The following NIM1K variants were observed in gnomAD, a reference collection of about 807,000 sequenced individuals.
NIM1K encodes the protein NIM1 serine/threonine protein kinase.
Under a neutral mutation model 37.1 loss-of-function variants are expected in NIM1K, and 35 were observed. That is an observed-to-expected ratio of 0.94 (90% CI 0.72 to 1.25). NIM1K has a LOEUF of 1.25. NIM1K is among the 50% of genes most tolerant of loss of function. The probability of loss-of-function intolerance (pLI) is 0.00; values close to 1 mark genes in which losing one functional copy is unlikely to be tolerated. For synonymous variants in NIM1K, 234 were observed against 206.6 expected (o/e 1.13, Z -1.14); for missense variants, 564 against 548.0 (o/e 1.03, Z -0.29).
intron 2 of NIM1K, among the ~76,000 whole-genome samples, chr5:43,257,503 G>C (rs930440276): frequency 6.6e-6 from 1 of 151,636 alleles, no homozygotes; most frequent in South Asian, 2.1e-4. Context: ...GAGTAGCTAG[G>C]ACTACAGGTG....
Position 43,198,217 on chromosome 5 carries a change from CTT to C in NIM1K, c.-695+5808_-695+5809del, listed in dbSNP as rs145719856. ...TTTCTTTCTTTCTTTCTCTTTCTTT[CTT>C]TCTTTCTTTCTTTCTTTCTTTCTTT... On this transcript the variant is annotated intron_variant, in intron 1 of 3. Transcript: ENST00000326035. 5.1e-3 allele frequency among the ~76,000 whole-genome samples: 442 copies of C among 86,344 alleles called. 12 individuals are homozygous for C. The highest frequency in any genetic ancestry group is 6.3e-3 in the Non-Finnish European group (256 of 40,710). 56.6% of individuals were successfully genotyped at this position (86,344 alleles called of 152,430 possible).
Position 43,234,017 on chromosome 5 carries a change from A to G in NIM1K, c.-694-11065A>G, listed in dbSNP as rs139532456. Among the ~76,000 whole-genome samples the G allele has an allele frequency of 2.6e-3, 392 of 152,350 alleles. 5 individuals carry two copies. The highest frequency in any genetic ancestry group is 9.0e-3 in the African/African-American group (375 of 41,584). On this transcript the variant is annotated intron_variant, in intron 1 of 3. Transcript: ENST00000326035. ...TTTCATTGCAGAAACTCGGGTTTCT[A>G]TTGGGACATGACTTCATTCTCTACC...
intron 1 of NIM1K, chr5:43,207,026 C>T (rs1472791007): frequency 1.1e-5 from 8 of 741,352 alleles, no homozygotes; most frequent in East Asian, 2.5e-5. Flanking sequence ...ACAATTACCA[C>T]CTAAGTTCGA....
At position 43,245,926 on chromosome 5, in the gene NIM1K, C is replaced by T. The variant is rs751291996; in HGVS notation, c.151C>T (p.Leu51=). Residue 51 remains leucine, a synonymous_variant, in exon 2 of 4, where the codon CTG becomes TTG. Coordinates refer to ENST00000326035, the MANE Select transcript of NIM1K (RefSeq NM_153361.4). ...CCGCCAGCTGACGCCCTTCGAGAAA[C>T]TGACACAGGACATGTCCCAGGATGA... ...QPRQLTPFEK[L]TQDMSQDEKV... 1 of 1,614,146 alleles carries T rather than the reference C, an allele frequency of 6.2e-7. No individual in the cohort carries two copies. Among genetic ancestry groups the T allele is most frequent in the Admixed American group, 1.7e-5 (1 of 60,012 alleles).
intron 1 of NIM1K, among the ~76,000 whole-genome samples, chr5:43,197,321 G>A (rs79769024): frequency 6.7e-6 from 1 of 149,846 alleles, no homozygotes; most frequent in Admixed American, 6.7e-5. Context: ...AGAGTTGTCG[G>A]TGGTAGGGGG....
intron 2 of NIM1K, among the ~76,000 whole-genome samples, chr5:43,257,545 G>C (rs944401484): frequency 2.0e-5 from 3 of 151,588 alleles, no homozygotes; most frequent in African/African-American, 7.3e-5. Context: ...AGAGACGGGG[G>C]TTTCACCATG....
intron 2 of NIM1K, among the ~76,000 whole-genome samples, chr5:43,251,779 C>G (rs1667666811): frequency 1.3e-5 from 2 of 152,170 alleles, no homozygotes; most frequent in African/African-American, 4.8e-5. Context: ...TTGCCAGTCC[C>G]ACATCTACAT....
chr5:43,277,528 ACCT>A (rs1445721091), intron 3 of NIM1K, among the ~76,000 whole-genome samples: 1 of 151,826 alleles, frequency 6.6e-6, no homozygotes, highest in Non-Finnish European at 1.5e-5. Flanking sequence ...TTACACGTCA[ACCT>A]CCTAGCTTCT....
chr5:43,273,799 C>G (rs2111562026), intron 2 of NIM1K, among the ~76,000 whole-genome samples: 1 of 152,320 alleles, frequency 6.6e-6, no homozygotes, highest in South Asian at 2.1e-4. Flanking sequence ...TTTAAGTGCC[C>G]TTACCCAGAT....
Position 43,192,677 on chromosome 5 carries a change from TGTGCCCGTGTCATGTGTG to T in NIM1K, c.-695+283_-695+300del, listed in dbSNP as rs1387834830. On this transcript the variant is annotated intron_variant, in intron 1 of 3. Transcript: ENST00000326035. The stretch of plus-strand genomic sequence containing the variant: ...CAGGGCGAGAGCGTGCTCGCGCGTG[TGTGCCCGTGTCATGTGTG>T]GTGCCCGTGTCATGTGCGGCGCCCA... Among the ~76,000 whole-genome samples, 20 of 152,138 alleles carry T rather than the reference TGTGCCCGTGTCATGTGTG, an allele frequency of 1.3e-4. No homozygotes were observed. In the East Asian group the frequency reaches 2.7e-3, roughly 21 times the overall value.
At chr5:43,270,082 A>G (rs915012940) in intron 2 of NIM1K, among the ~76,000 whole-genome samples, 1 of 152,188 alleles carries the variant, frequency 6.6e-6, no homozygotes, top group African/African-American at 2.4e-5. Context: ...CTTGTCTGGA[A>G]AAGACTTTAT....
At chr5:43,267,390 C>T (rs1348163463) in intron 2 of NIM1K, among the ~76,000 whole-genome samples, 1 of 152,104 alleles carries the variant, frequency 6.6e-6, no homozygotes, top group Non-Finnish European at 1.5e-5. Flanking sequence ...TTTTGTTTAT[C>T]TTTTCAAAGA....
At position 43,214,830 on chromosome 5, in the gene NIM1K, AAC is replaced by A. The variant is rs1491022480; in HGVS notation, c.-695+22421_-695+22422del. ...CTCCGTCTCAAAAAAAAAAAAAAAA[AAC>A]AAAAAAGAAAAAAGAAATGTGCCCA... On this transcript the variant is annotated intron_variant, in intron 1 of 3. Transcript: ENST00000326035. Among the ~76,000 whole-genome samples, 100 of 147,848 alleles carry A rather than the reference AAC, an allele frequency of 6.8e-4. 2 individuals are homozygous for A. The highest frequency in any genetic ancestry group is 1.3e-3 in the South Asian group (6 of 4,610).
chr5:43,221,776 A>G (rs1269591206), intron 1 of NIM1K, among the ~76,000 whole-genome samples: 1 of 152,198 alleles, frequency 6.6e-6, no homozygotes, highest in African/African-American at 2.4e-5. Context: ...GGGTAGGTTG[A>G]TCTATTTATG....
chr5:43,260,264 T>A (rs1264958842), intron 2 of NIM1K, among the ~76,000 whole-genome samples: 1 of 152,232 alleles, frequency 6.6e-6, no homozygotes, highest in Admixed American at 6.5e-5. Context: ...CAGTACTATG[T>A]TGAACAGAAG....
chr5:43,235,265 G>A (rs539554893), intron 1 of NIM1K, among the ~76,000 whole-genome samples: 43 of 152,290 alleles, frequency 2.8e-4, no homozygotes, highest in Non-Finnish European at 4.4e-4. Context: ...TTAAATTAGA[G>A]TCACAAAACT....
intron 2 of NIM1K, among the ~76,000 whole-genome samples, chr5:43,257,635 G>C (rs1752966497): frequency 6.6e-6 from 1 of 152,080 alleles, no homozygotes; most frequent in Non-Finnish European, 1.5e-5. Context: ...ACAGGCGTGA[G>C]CCACTGCGCC....
intron 2 of NIM1K, among the ~76,000 whole-genome samples, chr5:43,271,739 G>A (rs979263192): frequency 6.6e-6 from 1 of 152,114 alleles, no homozygotes; most frequent in Admixed American, 6.6e-5. Context: ...TAAATAGGTT[G>A]TTATATTCCC....
chr5:43,241,230 T>C (rs185101064), intron 1 of NIM1K, among the ~76,000 whole-genome samples: 19 of 152,134 alleles, frequency 1.2e-4, no homozygotes, highest in African/African-American at 4.6e-4. Context: ...TTGAGTACAT[T>C]TTTGTATATT....
Sources: gnomAD v4.1 joint callset for allele counts (sites outside exome capture counted in the v4.1 genomes callset) on GRCh38, gnomAD v4.1.1 for gene constraint, MANE v1.5 for transcripts, NCBI Gene and HGNC (gene_info 2026-07-23, HGNC 2026-07-21) for gene names.